The following SDK1 variants were observed in gnomAD, a reference collection of about 807,000 sequenced individuals.
SDK1 encodes the protein sidekick cell adhesion molecule 1.
A neutral mutation model predicts 245.5 loss-of-function variants in SDK1; 157 were observed. The ratio of observed to expected loss-of-function variants is 0.64; its 90% CI spans 0.56 to 0.73. The LOEUF is 0.73. SDK1 is among the 30% of genes least tolerant of loss of function. The probability of loss-of-function intolerance (pLI) is 0.00; values close to 1 mark genes in which losing one functional copy is unlikely to be tolerated. For synonymous variants in SDK1, 1,647 were observed against 1,278.5 expected (o/e 1.29, Z -6.15); for missense variants, 3,583 against 3,002.3 (o/e 1.19, Z -4.52).
intron 31 of SDK1, among the ~76,000 whole-genome samples, chr7:4,158,892 G>C (rs944205501): frequency 6.6e-6 from 1 of 152,162 alleles, no homozygotes; most frequent in African/African-American, 2.4e-5. Flanking sequence ...TCTCATTCAC[G>C]AGCCACTCTT....
Position 4,241,953 on chromosome 7 carries a change from G to T in SDK1, c.6251+40G>T, listed in dbSNP as rs1462460081. The T allele has an allele frequency of 3.1e-6, 5 of 1,603,784 alleles. No homozygotes were observed. The South Asian group carries it at 4.4e-5, about 14-fold the overall frequency. ...CTGTGCTGCGCCCACCTGGGGATCT[G>T]AGCTGCCAGGGCTGGGGTGGCAGCC... On this transcript the variant is annotated intron_variant, in intron 43 of 44. Transcript: ENST00000404826.
chr7:3,439,366 C>T lies in SDK1; in HGVS notation c.298+137482C>T, dbSNP rs185495713. 4.3e-3 allele frequency among the ~76,000 whole-genome samples: 654 copies of T among 152,270 alleles called. 7 individuals carry two copies. Among genetic ancestry groups the T allele is most frequent in the South Asian group, 0.018 (87 of 4,828 alleles). On this transcript the variant is annotated intron_variant, in intron 1 of 44. Coordinates refer to ENST00000404826, the MANE Select transcript of SDK1 (RefSeq NM_152744.4). Reference sequence around the variant, plus strand: ...TCATATATGAGTAGCATGCAAGCTCCGGATGCAGCTGTTCCTCTAGAGACT... The same window carrying T: ...TCATATATGAGTAGCATGCAAGCTCTGGATGCAGCTGTTCCTCTAGAGACT...
intron 1 of SDK1, among the ~76,000 whole-genome samples, chr7:3,561,756 C>A (rs1183316448): frequency 2.0e-5 from 3 of 152,182 alleles, no homozygotes; most frequent in Non-Finnish European, 4.4e-5. Flanking sequence ...AGCTCACGTT[C>A]CCTTCCAGAA....
intron 1 of SDK1, among the ~76,000 whole-genome samples, chr7:3,388,348 A>AAAAAAAAATCTC (rs1218446021): frequency 1.3e-5 from 2 of 149,280 alleles, no homozygotes; most frequent in African/African-American, 5.0e-5. Context: ...TTGAAGATTA[A>AAAAAAAAATCTC]AAAAAAAATC....
intron 17 of SDK1, among the ~76,000 whole-genome samples, chr7:4,028,874 A>G (rs1787568982): frequency 6.6e-6 from 1 of 152,136 alleles, no homozygotes; most frequent in Non-Finnish European, 1.5e-5. Context: ...TGAGGAGTGG[A>G]GAGGAAATAC....
chr7:4,082,408 G>A (rs976348059), intron 22 of SDK1, among the ~76,000 whole-genome samples: 14 of 151,840 alleles, frequency 9.2e-5, no homozygotes, highest in South Asian at 8.3e-4. Context: ...GGTGGCGCAC[G>A]TCTGTAATCC....
At chr7:3,847,237 C>T (rs570442025) in intron 5 of SDK1, among the ~76,000 whole-genome samples, 100 of 152,220 alleles carry the variant, frequency 6.6e-4, no homozygotes, top group African/African-American at 2.3e-3. Flanking sequence ...ATGGACTCCT[C>T]GATGTACCAT....
chr7:4,136,027 G>T (rs73671567), intron 28 of SDK1, among the ~76,000 whole-genome samples: 76 of 152,292 alleles, frequency 5.0e-4, no homozygotes, highest in African/African-American at 1.7e-3. Flanking sequence ...AAAGTGCGTC[G>T]GGAGGTATGG....
Position 4,153,974 on chromosome 7 carries a change from C to T in SDK1, c.4626-4474C>T, listed in dbSNP as rs144248064. 2.4e-3 allele frequency among the ~76,000 whole-genome samples: 365 copies of T among 152,204 alleles called. 2 individuals carry two copies. The highest frequency in any genetic ancestry group is 8.5e-3 in the African/African-American group (355 of 41,524). On this transcript the variant is annotated intron_variant, in intron 30 of 44. Transcript: ENST00000404826. ...GGGATTACAGGCATGAGCTAACATG[C>T]CCGGCCAATAGTGAATTCTTAAGAA...
rs143484868 is a variant in SDK1, at chr7:4,062,950, A to T, written c.2912-4888A>T. On this transcript the variant is annotated intron_variant, in intron 19 of 44. Transcript: ENST00000404826. Reference sequence around the variant, plus strand: ...TCAACAAACTAGGCATAGTAGAAACATACCTCAGTATGATAAAGTCTGTAT... The same window carrying T: ...TCAACAAACTAGGCATAGTAGAAACTTACCTCAGTATGATAAAGTCTGTAT... 3.3e-5 allele frequency among the ~76,000 whole-genome samples: 5 copies of T among 152,318 alleles called. No individual in the cohort carries two copies. In the East Asian group the frequency reaches 9.6e-4, roughly 29 times the overall value.
intron 35 of SDK1, among the ~76,000 whole-genome samples, chr7:4,204,814 G>A (rs1304430454): frequency 6.6e-6 from 1 of 152,216 alleles, no homozygotes; most frequent in East Asian, 1.9e-4. Context: ...GAGAGCCCCA[G>A]TGGGAGGAGG....
At chr7:3,338,163 T>C in intron 1 of SDK1, 1 of 236,886 alleles carries the variant, frequency 4.2e-6, no homozygotes, top group Admixed American at 4.4e-5. Flanking sequence ...AGGCACCTGG[T>C]ATGTTCTCTA....
At position 4,241,867 on chromosome 7, in the gene SDK1, C is replaced by T. The variant is rs201004713; in HGVS notation, c.6205C>T (p.Arg2069Cys). ...GGFAALELSS[R>C]HLNVKSTFSK... ...ATTTGCTGCCCTGGAGCTCAGCAGCCGCCACCTCAATGTCAAGAGCACCTT... is the reference window on the plus strand; with the variant it reads ...ATTTGCTGCCCTGGAGCTCAGCAGCTGCCACCTCAATGTCAAGAGCACCTT... Residue 2069 changes from arginine to cysteine, a missense_variant, in exon 43 of 45, where the codon CGC becomes TGC. Physicochemically the swap from Arg to Cys is radical, Grantham distance 180. Coordinates refer to ENST00000404826, the MANE Select transcript of SDK1 (RefSeq NM_152744.4). 62 of 1,614,108 alleles carry T rather than the reference C, an allele frequency of 3.8e-5. No individual in the cohort carries two copies. The highest frequency in any genetic ancestry group is 1.6e-4 in the Middle Eastern group (1 of 6,062).
At chr7:4,102,873 C>G (rs1276466056) in intron 22 of SDK1, among the ~76,000 whole-genome samples, 3 of 151,534 alleles carry the variant, frequency 2.0e-5, no homozygotes, top group Admixed American at 6.6e-5. Flanking sequence ...ACCGCCCCTA[C>G]CGGGTGGCAT....
At chr7:4,153,578 T>TC (rs1780529187) in intron 30 of SDK1, among the ~76,000 whole-genome samples, 1 of 152,168 alleles carries the variant, frequency 6.6e-6, no homozygotes, top group African/African-American at 2.4e-5. Context: ...AGAGTGAGAC[T>TC]CCATCTCAGA....
rs560124026 is a variant in SDK1 at position 3,357,328 on chromosome 7, G to GTTTTTTTTTTTTTT, written c.298+55470_298+55483dup. On this transcript the variant is annotated intron_variant, in intron 1 of 44. Coordinates refer to ENST00000404826, the MANE Select transcript of SDK1 (RefSeq NM_152744.4). ...TTACTCTTGCTCCCCTTCTTTTAGTGTTTTTTTTTTTTTTTTTTTTTTTTT... is the reference window on the plus strand; with the variant it reads ...TTACTCTTGCTCCCCTTCTTTTAGTGTTTTTTTTTTTTTTTTTTTTTTTTTTTTTTTTTTTTTTT... Among the ~76,000 whole-genome samples the GTTTTTTTTTTTTTT allele has an allele frequency of 7.6e-4, 40 of 52,940 alleles. 10 individuals are homozygous for GTTTTTTTTTTTTTT. The highest frequency in any genetic ancestry group is 1.5e-3 in the East Asian group (2 of 1,296). 34.7% of individuals were successfully genotyped at this position (52,940 alleles called of 152,430 possible).
Position 4,208,195 on chromosome 7 carries a change from C to T in SDK1, c.5311C>T (p.His1771Tyr), listed in dbSNP as rs755145662. 9.9e-6 allele frequency: 16 copies of T among 1,613,864 alleles called. No homozygotes were observed. The highest frequency in any genetic ancestry group is 2.2e-5 in the South Asian group (2 of 91,080). The change falls in exon 37 of 45, where the codon CAT becomes TAT. Residue 1771 changes from histidine (H) to tyrosine (Y), a missense_variant. Physicochemically the swap from His to Tyr is moderately conservative, Grantham distance 83. Coordinates refer to ENST00000404826, the MANE Select transcript of SDK1 (RefSeq NM_152744.4). ...PVVRLKNLTSHTKYLVSISAF... is the reference protein window; with the variant it reads ...PVVRLKNLTSYTKYLVSISAF... ...GGTGAGGCTGAAGAACCTGACCAGC[C>T]ATACCAAGTACCTGGTCAGCATATC...
chr7:3,700,847 C>T (rs1019418642), intron 4 of SDK1, among the ~76,000 whole-genome samples: 1 of 151,992 alleles, frequency 6.6e-6, no homozygotes, highest in Non-Finnish European at 1.5e-5. Context: ...CTTTTTTCCC[C>T]TTATTTCTAT....
intron 5 of SDK1, among the ~76,000 whole-genome samples, chr7:3,886,767 T>G (rs530902684): frequency 6.6e-6 from 1 of 152,224 alleles, no homozygotes; most frequent in Admixed American, 6.5e-5. Flanking sequence ...ATATTAAAAA[T>G]TAGCTAAGCA....
Sources: allele counts gnomAD v4.1 joint callset (sites outside exome capture counted in the v4.1 genomes callset), GRCh38; gene constraint gnomAD v4.1.1; transcripts MANE v1.5; gene names NCBI Gene and HGNC (gene_info 2026-07-23, HGNC 2026-07-21).